Variants in RBM20 observed in about 807,000 individuals in gnomAD.
RBM20 encodes the protein RNA-binding protein 20.
Under a neutral mutation model 110.1 loss-of-function variants are expected in RBM20, and 51 were observed. The ratio of observed to expected loss-of-function variants is 0.46; its 90% CI spans 0.37 to 0.59. The LOEUF is 0.59. Among genes scored for constraint, RBM20 ranks in the 20% least tolerant of loss-of-function variants. RBM20 has a pLI of 0.00. For synonymous variants in RBM20, 589 were observed against 618.2 expected, an observed-to-expected ratio of 0.95 and a Z score of 0.70; for missense variants, 1,512 against 1,574.9, an observed-to-expected ratio of 0.96 and a Z score of 0.68.
chr10:110,712,201 GTTAA>G (rs1369651575), intron 1 of RBM20, among the ~76,000 whole-genome samples: 1 of 152,202 alleles, frequency 6.6e-6, no homozygotes, highest in Non-Finnish European at 1.5e-5. Context: ...GTTACAGTTA[GTTAA>G]TTGTGAGTTC....
intron 1 of RBM20, among the ~76,000 whole-genome samples, chr10:110,685,705 A>C (rs1207835168): frequency 6.6e-6 from 1 of 152,128 alleles, no homozygotes; most frequent in Non-Finnish European, 1.5e-5. Context: ...GGCTGGAAGG[A>C]ACATGAAAAA....
At chr10:110,687,048 A>G (rs891234737) in intron 1 of RBM20, among the ~76,000 whole-genome samples, 1 of 150,648 alleles carries the variant, frequency 6.6e-6, no homozygotes, top group Non-Finnish European at 1.5e-5. Context: ...AAAAGAAAAA[A>G]AAAAAAAAAG....
rs149368681 is a variant in RBM20, at chr10:110,674,807, A to G, written c.191+30162A>G. On this transcript the variant is annotated intron_variant, in intron 1 of 13. Transcript: ENST00000369519. ...TTGACATTTAAAATAATTTAAATCA[A>G]TAACTTCAGAATTCTCCCACCGGAG... is the stretch of plus-strand genomic sequence containing the variant. 3.0e-4 allele frequency among the ~76,000 whole-genome samples: 46 copies of G among 152,318 alleles called. No individual in the cohort carries two copies. The East Asian group carries it at 8.1e-3, about 27-fold the overall frequency.
intron 1 of RBM20, among the ~76,000 whole-genome samples, chr10:110,740,463 C>G (rs1215072053): frequency 2.0e-5 from 3 of 152,040 alleles, no homozygotes; most frequent in African/African-American, 7.2e-5. Flanking sequence ...GAAGCTTGCC[C>G]AAGGCCCTGC....
At chr10:110,749,823 C>G (rs1344715805) in intron 1 of RBM20, among the ~76,000 whole-genome samples, 2 of 152,074 alleles carry the variant, frequency 1.3e-5, no homozygotes, top group African/African-American at 4.8e-5. Context: ...AGATCTGCAT[C>G]TCACAACACA....
intron 3 of RBM20, among the ~76,000 whole-genome samples, 161 bp from the exon 4 acceptor site, chr10:110,784,180 A>G (rs545683475): frequency 6.6e-6 from 1 of 152,256 alleles, no homozygotes; most frequent in South Asian, 2.1e-4. Context: ...CCTTTTGACT[A>G]TTGTGAATAG....
intron 1 of RBM20, among the ~76,000 whole-genome samples, chr10:110,709,487 T>C (rs1236065415): frequency 2.0e-5 from 3 of 152,014 alleles, no homozygotes; most frequent in African/African-American, 2.4e-5. Context: ...CTTACTTTTC[T>C]GTCTGTAGGC....
intron 1 of RBM20, among the ~76,000 whole-genome samples, chr10:110,693,209 T>C (rs1045981569): frequency 9.9e-5 from 15 of 152,236 alleles, no homozygotes; most frequent in African/African-American, 3.1e-4. Flanking sequence ...ATGGATGTTG[T>C]TCTATCATTT....
At chr10:110,699,978 C>T (rs1380460620) in intron 1 of RBM20, among the ~76,000 whole-genome samples, 1 of 152,174 alleles carries the variant, frequency 6.6e-6, no homozygotes, top group East Asian at 1.9e-4. Context: ...AGGTGATTCA[C>T]GTCCCGGGTG....
chr10:110,665,985 C>T (rs531427027), intron 1 of RBM20, among the ~76,000 whole-genome samples: 1 of 68,498 alleles, frequency 1.5e-5, no homozygotes, highest in Non-Finnish European at 3.0e-5. Flanking sequence ...TGTGATGGCA[C>T]AAAGAAAGAA....
At chr10:110,830,465 G>A (rs1302420778) in intron 12 of RBM20, among the ~76,000 whole-genome samples, 1 of 152,174 alleles carries the variant, frequency 6.6e-6, no homozygotes, top group Non-Finnish European at 1.5e-5. Flanking sequence ...AAAAAAAGAG[G>A]ACAGAGAATT....
intron 1 of RBM20, among the ~76,000 whole-genome samples, chr10:110,760,644 T>C (rs984866182): frequency 1.3e-5 from 2 of 150,476 alleles, no homozygotes; most frequent in Non-Finnish European, 3.0e-5. Flanking sequence ...GGTTTCAACA[T>C]GTTGGTCAGA....
rs115814957 is a variant in RBM20, at chr10:110,693,525, C to T, written c.191+48880C>T. 8.8e-3 allele frequency among the ~76,000 whole-genome samples: 1,337 copies of T among 152,222 alleles called. 25 individuals are homozygous for T. Among genetic ancestry groups the T allele is most frequent in the African/African-American group, 0.03 (1,263 of 41,538 alleles). On this transcript the variant is annotated intron_variant, in intron 1 of 13. Transcript: ENST00000369519. ...TTTCTAGGCATTCGTCCATTTCAAA[C>T]GTGACCATTCTAAACTAAACTGTTG...
At chr10:110,691,702 A>G (rs1862588039) in intron 1 of RBM20, among the ~76,000 whole-genome samples, 1 of 152,108 alleles carries the variant, frequency 6.6e-6, no homozygotes, top group African/African-American at 2.4e-5. Context: ...ATTTGCATAT[A>G]TTTTCTTCCA....
intron 1 of RBM20, among the ~76,000 whole-genome samples, chr10:110,708,173 C>T (rs1050048145): frequency 3.3e-5 from 5 of 152,168 alleles, no homozygotes; most frequent in East Asian, 3.8e-4. Flanking sequence ...TGTGCTTGGG[C>T]GTGATGCTCT....
intron 13 of RBM20, among the ~76,000 whole-genome samples, chr10:110,832,918 G>T (rs1845075220): frequency 6.6e-6 from 1 of 152,132 alleles, no homozygotes; most frequent in Admixed American, 6.5e-5. Flanking sequence ...AGAGCAGGAG[G>T]GTCAGACTGG....
At position 110,814,498 on chromosome 10, in the gene RBM20, G is replaced by T. The variant is rs553038878; in HGVS notation, c.2550+1551G>T. ...AAAAAAGCAGTTTGGGTTTTGTTTTGTTTTTTTTTTTGAGACAGAGTCTCA... is the reference window on the plus strand; with the variant it reads ...AAAAAAGCAGTTTGGGTTTTGTTTTTTTTTTTTTTTTGAGACAGAGTCTCA... On this transcript the variant is annotated intron_variant, in intron 9 of 13. Transcript: ENST00000369519. Among the ~76,000 whole-genome samples the T allele has an allele frequency of 3.2e-3, 471 of 145,660 alleles. 12 individuals are homozygous for T. In the South Asian group the frequency reaches 0.056, roughly 17 times the overall value.
intron 7 of RBM20, among the ~76,000 whole-genome samples, chr10:110,803,183 C>A (rs895278324): frequency 6.6e-6 from 1 of 152,170 alleles, no homozygotes; most frequent in African/African-American, 2.4e-5. Context: ...ATTATTATCT[C>A]AGTTTTACAG....
chr10:110,745,349 C>A (rs144434332), intron 1 of RBM20, among the ~76,000 whole-genome samples: 1 of 152,264 alleles, frequency 6.6e-6, no homozygotes, highest in East Asian at 1.9e-4. Context: ...ACAGTGCAAG[C>A]CTCTGGGGTG....
Sources: allele counts gnomAD v4.1 joint callset (sites outside exome capture counted in the v4.1 genomes callset), GRCh38; gene constraint gnomAD v4.1.1; transcripts MANE v1.5; gene names NCBI Gene and HGNC (gene_info 2026-07-23, HGNC 2026-07-21).